SSBP3: variants seen among roughly 807,000 people sequenced by gnomAD.
SSBP3 encodes the protein single stranded DNA binding protein 3.
In SSBP3, 5 loss-of-function variants were observed where a neutral mutation model predicts 69.6. The observed-to-expected ratio is 0.07, with a 90% confidence interval of 0.04 to 0.15. The LOEUF is 0.15. Among genes scored for constraint, SSBP3 ranks in the 10% least tolerant of loss-of-function variants. The pLI, the probability that SSBP3 is intolerant of heterozygous loss-of-function variation, is 1.00. For missense variants in SSBP3, 312 were observed against 534.0 expected (o/e 0.58, Z 4.10); for synonymous variants, 196 against 193.4 (o/e 1.01, Z -0.11).
At chr1:54,392,319 G>C (rs1021808170) in intron 4 of SSBP3, among the ~76,000 whole-genome samples, 1 of 152,208 alleles carries the variant, frequency 6.6e-6, no homozygotes, top group African/African-American at 2.4e-5. Flanking sequence ...CTTGACCCAA[G>C]TCACTTAACT....
intron 4 of SSBP3, among the ~76,000 whole-genome samples, chr1:54,303,237 T>C (rs1312295277): frequency 6.6e-6 from 1 of 152,098 alleles, no homozygotes; most frequent in Non-Finnish European, 1.5e-5. Flanking sequence ...GCCTCTGCCA[T>C]GCAGCCTCTC....
chr1:54,302,250 G>C (rs559211091), intron 4 of SSBP3, among the ~76,000 whole-genome samples: 7 of 152,150 alleles, frequency 4.6e-5, no homozygotes, highest in African/African-American at 1.7e-4. Context: ...CTTAGTTAGT[G>C]CAGGCAAGGC....
chr1:54,282,307 G>A (rs915960699), intron 4 of SSBP3, among the ~76,000 whole-genome samples: 1 of 152,186 alleles, frequency 6.6e-6, no homozygotes, highest in African/African-American at 2.4e-5. Context: ...TAGAGCAAAA[G>A]ATCAATAAAT....
chr1:54,244,324 G>C (rs148555915), intron 9 of SSBP3, among the ~76,000 whole-genome samples: 1 of 147,436 alleles, frequency 6.8e-6, no homozygotes, highest in Non-Finnish European at 1.5e-5. Flanking sequence ...GGCTGGTCTC[G>C]AACTCCTTAC....
chr1:54,345,986 C>CAAAAAAA (rs74870023), intron 4 of SSBP3, among the ~76,000 whole-genome samples: 1 of 134,388 alleles, frequency 7.4e-6, no homozygotes, highest in African/African-American at 2.8e-5. Flanking sequence ...CACAAAAATA[C>CAAAAAAA]AAAAAAAAAA....
chr1:54,272,439 T>C (rs1645209760), intron 5 of SSBP3, among the ~76,000 whole-genome samples: 1 of 151,784 alleles, frequency 6.6e-6, no homozygotes, highest in Admixed American at 6.6e-5. Flanking sequence ...TGGAATTCTC[T>C]TCCTCAAACC....
intron 3 of SSBP3, among the ~76,000 whole-genome samples, chr1:54,403,996 A>C (rs1649497705): frequency 7.8e-6 from 1 of 128,282 alleles, no homozygotes; most frequent in South Asian, 2.9e-4. Context: ...TCTGCGTAAA[A>C]CAACACTTTG....
chr1:54,235,523 T>C (rs1377461205), intron 14 of SSBP3, among the ~76,000 whole-genome samples: 1 of 141,560 alleles, frequency 7.1e-6, no homozygotes, highest in Non-Finnish European at 1.5e-5. Flanking sequence ...CGTTGCAATC[T>C]CAGCTCACTG....
At chr1:54,282,710 C>T (rs1315433626) in intron 4 of SSBP3, among the ~76,000 whole-genome samples, 5 of 152,240 alleles carry the variant, frequency 3.3e-5, no homozygotes, top group Non-Finnish European at 7.3e-5. Context: ...CTACCTGGAA[C>T]CGGGCCCTGC....
chr1:54,259,641 T>C (rs1644983737), intron 5 of SSBP3, among the ~76,000 whole-genome samples: 1 of 152,248 alleles, frequency 6.6e-6, no homozygotes, highest in Non-Finnish European at 1.5e-5. Flanking sequence ...GTTTCCCCCT[T>C]GGCCTTCTCC....
chr1:54,377,414 T>G (rs1647283462), intron 4 of SSBP3, among the ~76,000 whole-genome samples: 1 of 152,234 alleles, frequency 6.6e-6, no homozygotes, highest in Non-Finnish European at 1.5e-5. Context: ...TCCTGAGAAG[T>G]GAGCTCTAGG....
chr1:54,313,155 G>A (rs999221044), intron 4 of SSBP3, among the ~76,000 whole-genome samples: 1 of 151,888 alleles, frequency 6.6e-6, no homozygotes, highest in Non-Finnish European at 1.5e-5. Context: ...GACAATGGGT[G>A]TACAACGGCA....
chr1:54,396,811 C>T (rs926627556), intron 4 of SSBP3, among the ~76,000 whole-genome samples: 4 of 152,184 alleles, frequency 2.6e-5, no homozygotes, highest in Non-Finnish European at 5.9e-5. Flanking sequence ...CCACTCCCCC[C>T]GCCCCACCTC....
rs180909370 is a variant in SSBP3 at position 54,311,070 on chromosome 1, C to T, written c.277-29543G>A. Reference sequence around the variant, plus strand: ...TTGGGTCTATTTCGCGGACCCTAATCGATGGCTGACTTCTTTAGCCTGCTG... The same window carrying T: ...TTGGGTCTATTTCGCGGACCCTAATTGATGGCTGACTTCTTTAGCCTGCTG... On this transcript the variant is annotated intron_variant, in intron 4 of 17. Transcript: ENST00000610401. 3.8e-3 allele frequency among the ~76,000 whole-genome samples: 574 copies of T among 152,290 alleles called. 10 individuals are homozygous for T. Among genetic ancestry groups the T allele is most frequent in the Admixed American group, 0.034 (516 of 15,304 alleles).
intron 4 of SSBP3, among the ~76,000 whole-genome samples, chr1:54,333,394 C>T (rs1438553905): frequency 6.6e-6 from 1 of 152,140 alleles, no homozygotes. Flanking sequence ...AACAGGACAG[C>T]CATCATCCTG....
chr1:54,369,095 C>T (rs1246388708), intron 4 of SSBP3, among the ~76,000 whole-genome samples: 2 of 152,192 alleles, frequency 1.3e-5, no homozygotes, highest in African/African-American at 4.8e-5. Flanking sequence ...AAAGCTCTTT[C>T]TGCTAAAACG....
At chr1:54,368,281 TC>T in intron 4 of SSBP3, among the ~76,000 whole-genome samples, 1 of 112,510 alleles carries the variant, frequency 8.9e-6, no homozygotes. Flanking sequence ...AGAACGAGAC[TC>T]CATCTCAAAA....
In SSBP3 at chr1:54,257,422, G is replaced by A. The variant is rs539868627; in HGVS notation, c.448-236C>T. 4.1e-4 allele frequency among the ~76,000 whole-genome samples: 63 copies of A among 152,198 alleles called. 1 individual carries two copies. The highest frequency in any genetic ancestry group is 1.4e-3 in the African/African-American group (59 of 41,512). On this transcript the variant is annotated intron_variant, in intron 6 of 17. Coordinates refer to ENST00000610401, the Ensembl canonical transcript of SSBP3. ...TTGTTCGTGGAGATCTACTCTGGGTGGGAAGGGCAGCGGCTGGGACTTTGC... is the reference window on the plus strand; with the variant it reads ...TTGTTCGTGGAGATCTACTCTGGGTAGGAAGGGCAGCGGCTGGGACTTTGC...
chr1:54,286,076 G>T (rs192046945), intron 4 of SSBP3, among the ~76,000 whole-genome samples: 2 of 152,176 alleles, frequency 1.3e-5, no homozygotes, highest in East Asian at 3.9e-4. Flanking sequence ...AGGGCACCTG[G>T]GTTTTAACTC....
Sources: allele counts gnomAD v4.1 joint callset (sites outside exome capture counted in the v4.1 genomes callset), GRCh38; gene constraint gnomAD v4.1.1; transcripts MANE v1.5; gene names NCBI Gene and HGNC (gene_info 2026-07-23, HGNC 2026-07-21).